LHFPL2: variants seen among roughly 807,000 people sequenced by gnomAD.
LHFPL2 encodes the protein LHFPL tetraspan subfamily member 2.
A neutral mutation model predicts 17.5 loss-of-function variants in LHFPL2; 7 were observed. The observed-to-expected ratio is 0.40, with a 90% CI of 0.23 to 0.75. The LOEUF (loss-of-function observed/expected upper bound fraction) is 0.75. Ranked by LOEUF, LHFPL2 falls within the 30% of genes least tolerant of loss-of-function variation. The pLI, the probability that LHFPL2 is intolerant of heterozygous loss-of-function variation, is 0.37. For missense variants in LHFPL2, 241 were observed against 294.8 expected (o/e 0.82, Z 1.34); for synonymous variants, 134 against 116.2 (o/e 1.15, Z -0.99).
intron 3 of LHFPL2, among the ~76,000 whole-genome samples, chr5:78,511,799 T>C (rs1331358738): frequency 1.3e-5 from 2 of 152,212 alleles, no homozygotes; most frequent in Non-Finnish European, 2.9e-5. Context: ...GTAGTTGCTA[T>C]ACAAGATGCT....
intron 2 of LHFPL2, among the ~76,000 whole-genome samples, chr5:78,622,475 T>G (rs1251285980): frequency 6.6e-6 from 1 of 152,182 alleles, no homozygotes; most frequent in Non-Finnish European, 1.5e-5. Context: ...GAGAGAAGAA[T>G]AATTTGCCTG....
intron 2 of LHFPL2, among the ~76,000 whole-genome samples, chr5:78,612,266 A>C (rs969098036): frequency 6.6e-6 from 1 of 152,240 alleles, no homozygotes; most frequent in Non-Finnish European, 1.5e-5. Context: ...AAAATATAAA[A>C]ATCATCCTGA....
chr5:78,510,293 G>A lies in LHFPL2; in HGVS notation c.-80C>T. The A allele has an allele frequency of 2.2e-6, 3 of 1,381,334 alleles. No individual in the cohort carries two copies. Among genetic ancestry groups the A allele is most frequent in the Admixed American group, 2.7e-5 (1 of 36,966 alleles). The allele number at this position is 1,381,334 out of a possible 1,614,324, so 85.6% of individuals were successfully genotyped here. A position where few individuals can be genotyped will look rare whatever the true frequency, so the allele number is the denominator to read the frequency against. On this transcript the variant is annotated 5_prime_UTR_variant, in exon 4 of 5. Coordinates refer to ENST00000380345, the MANE Select transcript of LHFPL2 (RefSeq NM_005779.3). ...GAAAGTCGGTGGGGAAGGAGGCTCGGGCGGCCCGGGAAGGAAGTCGCAGCT... is the reference window on the plus strand; with the variant it reads ...GAAAGTCGGTGGGGAAGGAGGCTCGAGCGGCCCGGGAAGGAAGTCGCAGCT...
rs1222723284 is a variant in LHFPL2, at chr5:78,585,068, G to A, written c.-244-20197C>T. On this transcript the variant is annotated intron_variant, in intron 2 of 4. Coordinates refer to ENST00000380345, the MANE Select transcript of LHFPL2 (RefSeq NM_005779.3). ...GTCGCCCAGGCTGGAGTGCAGTGGC[G>A]GGATCTCGGCTCATTGCAAGCTCCA... Among the ~76,000 whole-genome samples, 3 of 95,194 alleles carry A rather than the reference G, an allele frequency of 3.2e-5. 1 individual carries two copies. Among genetic ancestry groups the A allele is most frequent in the Non-Finnish European group, 4.7e-5 (2 of 42,140 alleles). 62.5% of individuals were successfully genotyped at this position (95,194 alleles called of 152,430 possible). A position where few individuals can be genotyped will look rare whatever the true frequency, so the allele number is the denominator to read the frequency against.
intron 2 of LHFPL2, among the ~76,000 whole-genome samples, chr5:78,609,742 T>C (rs901820174): frequency 2.0e-5 from 3 of 152,146 alleles, no homozygotes; most frequent in African/African-American, 7.2e-5. Context: ...CTTTTACCTA[T>C]TCTTTGAATT....
chr5:78,518,754 A>AT (rs11371816), intron 3 of LHFPL2, among the ~76,000 whole-genome samples: 62,839 of 151,922 alleles, frequency 0.41, 13,435 homozygotes, highest in African/African-American at 0.51. Flanking sequence ...TGGTCACAGA[A>AT]AAACCCCTTT....
intron 3 of LHFPL2, among the ~76,000 whole-genome samples, chr5:78,516,570 C>T (rs1755298895): frequency 6.6e-6 from 1 of 152,150 alleles, no homozygotes; most frequent in African/African-American, 2.4e-5. Flanking sequence ...GGGCTTCTCA[C>T]AGAGGGCAAT....
At chr5:78,588,694 TA>T (rs1434161799) in intron 2 of LHFPL2, among the ~76,000 whole-genome samples, 1 of 152,220 alleles carries the variant, frequency 6.6e-6, no homozygotes, top group Non-Finnish European at 1.5e-5. Context: ...GCAGGGTTGA[TA>T]AAAGTTACTT....
intron 2 of LHFPL2, among the ~76,000 whole-genome samples, chr5:78,608,580 T>C (rs1276243015): frequency 7.9e-6 from 1 of 127,062 alleles, no homozygotes; most frequent in Non-Finnish European, 1.8e-5. Flanking sequence ...CGATCTAAAT[T>C]CTATTTGCAA....
chr5:78,489,943 C>T (rs1754382762), intron 4 of LHFPL2, among the ~76,000 whole-genome samples: 1 of 152,206 alleles, frequency 6.6e-6, no homozygotes, highest in Non-Finnish European at 1.5e-5. Flanking sequence ...TCACACAGAA[C>T]CATCTGATGT....
chr5:78,516,646 C>G (rs1198077026), intron 3 of LHFPL2, among the ~76,000 whole-genome samples: 1 of 152,100 alleles, frequency 6.6e-6, no homozygotes, highest in Non-Finnish European at 1.5e-5. Flanking sequence ...TATTCTGATG[C>G]GTATGTCTAT....
In LHFPL2 at chr5:78,648,663, G is replaced by C. The variant is rs1178028492; in HGVS notation, c.-514C>G. The C allele has an allele frequency of 1.3e-5, 2 of 152,148 alleles. No individual in the cohort carries two copies. Among genetic ancestry groups the C allele is most frequent in the African/African-American group, 2.4e-5 (1 of 41,510 alleles). The allele number at this position is 152,148 out of a possible 1,614,324, so 9.4% of individuals were successfully genotyped here. ...GAGAGCGGGAGGAGGCGGCGGGAGA[G>C]GGGGGCAACGCAAGGGAGGGGAGAG... On this transcript the variant is annotated 5_prime_UTR_variant, in exon 1 of 5. Coordinates refer to ENST00000380345, the MANE Select transcript of LHFPL2 (RefSeq NM_005779.3). The surrounding 1 kb of genome is among the most constrained non-coding windows in gnomAD (Gnocchi z 5.4).
chr5:78,639,832 T>C (rs567723496), intron 1 of LHFPL2, among the ~76,000 whole-genome samples: 28 of 152,240 alleles, frequency 1.8e-4, no homozygotes, highest in Admixed American at 3.9e-4. Context: ...AGAAAGTTAA[T>C]TTTTTAAGAA....
intron 1 of LHFPL2, among the ~76,000 whole-genome samples, chr5:78,639,286 T>C (rs2112525385): frequency 6.6e-6 from 1 of 152,320 alleles, no homozygotes; most frequent in Non-Finnish European, 1.5e-5. Context: ...CTTAGTTCCC[T>C]CTCATGCTGC....
intron 2 of LHFPL2, among the ~76,000 whole-genome samples, chr5:78,622,013 T>C (rs143792678): frequency 1.3e-5 from 2 of 152,220 alleles, no homozygotes; most frequent in East Asian, 3.9e-4. Context: ...GCTCATTTAA[T>C]TTTTTAAATG....
chr5:78,633,029 T>C (rs1745309758), intron 1 of LHFPL2, among the ~76,000 whole-genome samples: 1 of 152,204 alleles, frequency 6.6e-6, no homozygotes, highest in Non-Finnish European at 1.5e-5. Flanking sequence ...AGAGGCCTTC[T>C]TGCAGCTGCT....
chr5:78,566,977 A>G (rs1756876078), intron 2 of LHFPL2, among the ~76,000 whole-genome samples: 1 of 152,210 alleles, frequency 6.6e-6, no homozygotes, highest in East Asian at 1.9e-4. Context: ...TAAATGAGTC[A>G]CAACAAAATG....
rs569768931 is a variant in LHFPL2 at position 78,612,704 on chromosome 5, T to G, written c.-245+19560A>C. Among the ~76,000 whole-genome samples, 6 of 152,284 alleles carry G rather than the reference T, an allele frequency of 3.9e-5. No individual in the cohort carries two copies. The East Asian group carries it at 1.2e-3, about 29-fold the overall frequency. On this transcript the variant is annotated intron_variant, in intron 2 of 4. Coordinates refer to ENST00000380345, the MANE Select transcript of LHFPL2 (RefSeq NM_005779.3). ...CCTTGCCCCAATCCCCAGAATCACT[T>G]CTATGAAACCAGCTCCAGTAAACAG... is the stretch of plus-strand genomic sequence containing the variant.
At chr5:78,548,562 C>G (rs1472108060) in intron 3 of LHFPL2, among the ~76,000 whole-genome samples, 2 of 152,264 alleles carry the variant, frequency 1.3e-5, no homozygotes, top group African/African-American at 4.8e-5. Flanking sequence ...AGGGCCGTAT[C>G]TACAGCCATG....
Sources: allele counts gnomAD v4.1 joint callset (sites outside exome capture counted in the v4.1 genomes callset), GRCh38; gene constraint gnomAD v4.1.1; non-coding constraint Gnocchi (gnomAD v3.1); transcripts MANE v1.5; gene names NCBI Gene and HGNC (gene_info 2026-07-23, HGNC 2026-07-21).